Variants in MBD5 observed in about 807,000 individuals in gnomAD.
The protein encoded by MBD5 is methyl-CpG binding domain protein 5.
A neutral mutation model predicts 117.3 loss-of-function variants in MBD5; 13 were observed. That is an observed-to-expected ratio of 0.11 (90% CI 0.07 to 0.18). The LOEUF (loss-of-function observed/expected upper bound fraction) is 0.18, where lower values mean the gene tolerates loss of function less well. Among genes scored for constraint, MBD5 ranks in the 10% least tolerant of loss-of-function variants. MBD5 has a pLI of 1.00. For missense variants in MBD5, 1,879 were observed against 2,093.8 expected (o/e 0.90, Z 2.00); for synonymous variants, 727 against 766.4 (o/e 0.95, Z 0.85).
chr2:148,085,235 A>G (rs1162104441), intron 1 of MBD5, among the ~76,000 whole-genome samples: 2 of 152,200 alleles, frequency 1.3e-5, no homozygotes, highest in Non-Finnish European at 2.9e-5. Flanking sequence ...CCACATCACT[A>G]TTATTATTGT....
At chr2:148,021,868 G>C (rs1399730233) in intron 1 of MBD5, 184 bp downstream of exon 1, 1 of 158,222 alleles carries the variant, frequency 6.3e-6, no homozygotes, top group Non-Finnish European at 1.4e-5. Context: ...CCTGTCAGGG[G>C]AGGAAGGGCA....
At chr2:148,080,335 TCTC>T in intron 1 of MBD5, among the ~76,000 whole-genome samples, 1 of 152,318 alleles carries the variant, frequency 6.6e-6, no homozygotes, top group East Asian at 1.9e-4. Context: ...TTCAGACACA[TCTC>T]CTATAGATAG....
intron 1 of MBD5, among the ~76,000 whole-genome samples, chr2:148,147,663 T>G (rs1697502934): frequency 6.6e-6 from 1 of 152,134 alleles, no homozygotes; most frequent in Non-Finnish European, 1.5e-5. Context: ...TATTTTTCCT[T>G]AAAACCTGTA....
chr2:148,069,555 G>A lies in MBD5; in HGVS notation c.-925+47871G>A, dbSNP rs570879867. ...TTATAGTATGCTACTGTATTTAGAAGCTATGTCACAATGCTGGGTAATAAG... is the reference window on the plus strand; with the variant it reads ...TTATAGTATGCTACTGTATTTAGAAACTATGTCACAATGCTGGGTAATAAG... On this transcript the variant is annotated intron_variant, in intron 1 of 13. Transcript: ENST00000642680. Among the ~76,000 whole-genome samples, 7 of 152,012 alleles carry A rather than the reference G, an allele frequency of 4.6e-5. No homozygotes were observed. The East Asian group carries it at 1.4e-3, about 29-fold the overall frequency.
rs150800810 is a variant in MBD5, at chr2:148,469,845, A to G, written c.1902A>G (p.Thr634=). The change falls in exon 8 of 14, where the codon ACA becomes ACG. Residue 634 remains threonine, a synonymous_variant. Transcript: ENST00000642680. The part of the protein sequence containing the change: ...FPPTANMLLP[T]GEGQSGRAAL... ...CTACTGCCAACATGCTTCTCCCAAC[A>G]GGTGAAGGGCAAAGTGGTCGAGCAG... The G allele has an allele frequency of 2.5e-6, 4 of 1,613,850 alleles. No individual in the cohort carries two copies. The African/African-American group carries it at 5.3e-5, about 22-fold the overall frequency.
chr2:148,344,857 T>G (rs539762967), intron 4 of MBD5, among the ~76,000 whole-genome samples: 1 of 151,844 alleles, frequency 6.6e-6, no homozygotes, highest in Admixed American at 6.6e-5. Context: ...GAAACATGAC[T>G]TAAGTGATAT....
chr2:148,231,943 G>T (rs1699998049), intron 2 of MBD5, among the ~76,000 whole-genome samples: 1 of 152,198 alleles, frequency 6.6e-6, no homozygotes, highest in African/African-American at 2.4e-5. Context: ...GAGGGTAAAA[G>T]TTGGAGGCGG....
chr2:148,252,433 C>T (rs1311345502), intron 3 of MBD5, among the ~76,000 whole-genome samples: 1 of 152,030 alleles, frequency 6.6e-6, no homozygotes, highest in Non-Finnish European at 1.5e-5. Flanking sequence ...TGCACTCCAG[C>T]CTGGGTAAAA....
chr2:148,487,923 CAG>C (rs770675931), intron 10 of MBD5, among the ~76,000 whole-genome samples: 1 of 152,180 alleles, frequency 6.6e-6, no homozygotes, highest in Admixed American at 6.5e-5. Context: ...AGTGCCCCAG[CAG>C]GGGGTCGGGG....
At chr2:148,217,128 T>C (rs1699576805) in intron 2 of MBD5, among the ~76,000 whole-genome samples, 1 of 152,108 alleles carries the variant, frequency 6.6e-6, no homozygotes, top group South Asian at 2.1e-4. Flanking sequence ...AGAAAAGAAC[T>C]AGGGTGGACA....
chr2:148,348,406 C>T (rs950525344), intron 4 of MBD5, among the ~76,000 whole-genome samples: 1 of 151,992 alleles, frequency 6.6e-6, no homozygotes, highest in African/African-American at 2.4e-5. Context: ...CATTTCAACT[C>T]ACTTTAAATT....
intron 3 of MBD5, among the ~76,000 whole-genome samples, chr2:148,325,189 C>T (rs368822799): frequency 3.9e-5 from 6 of 152,082 alleles, no homozygotes; most frequent in African/African-American, 4.8e-5. Context: ...TGAAGCCCAC[C>T]TGATCATGGT....
intron 4 of MBD5, among the ~76,000 whole-genome samples, chr2:148,402,310 C>T (rs927844347): frequency 6.6e-6 from 1 of 151,942 alleles, no homozygotes; most frequent in Non-Finnish European, 1.5e-5. Flanking sequence ...TTCCTTCATT[C>T]CTCCTACTTT....
intron 4 of MBD5, among the ~76,000 whole-genome samples, chr2:148,399,961 G>T (rs146282089): frequency 0.028 from 4,211 of 152,182 alleles, 84 homozygotes; most frequent in Non-Finnish European, 0.046. Context: ...TACGTTTATT[G>T]ATTTTCGTAT....
chr2:148,116,568 G>C (rs567185640), intron 1 of MBD5, among the ~76,000 whole-genome samples: 2 of 152,200 alleles, frequency 1.3e-5, no homozygotes, highest in Non-Finnish European at 2.9e-5. Flanking sequence ...CAGGGTGGAC[G>C]TGTAGGTTAG....
At chr2:148,204,797 T>G (rs1394349753) in intron 2 of MBD5, among the ~76,000 whole-genome samples, 1 of 152,192 alleles carries the variant, frequency 6.6e-6, no homozygotes, top group Non-Finnish European at 1.5e-5. Context: ...AAATACTTTT[T>G]GAAAACATTC....
Position 148,470,083 on chromosome 2 carries a change from C to G in MBD5, c.2140C>G (p.His714Asp), listed in dbSNP as rs886054909. The change falls in exon 8 of 14, where the codon CAC (histidine) becomes GAC (aspartate). Residue 714 changes from histidine to aspartate, a missense_variant. By Grantham distance (81) the His-to-Asp change is moderately conservative. Transcript: ENST00000642680. ...LLQSMSCQSS[H>D]LSSNSTPGCG... ...ACAGTCTATGAGTTGTCAAAGCTCTCACTTGAGTAGCAATAGTACCCCGGG... is the reference window on the plus strand; with the variant it reads ...ACAGTCTATGAGTTGTCAAAGCTCTGACTTGAGTAGCAATAGTACCCCGGG... 3.7e-6 allele frequency: 6 copies of G among 1,613,776 alleles called. No homozygotes were observed. Among genetic ancestry groups the G allele is most frequent in the Non-Finnish European group, 5.1e-6 (6 of 1,179,902 alleles).
chr2:148,178,685 A>T lies in MBD5; in HGVS notation c.-924-15A>T. The T allele has an allele frequency of 2.5e-6, 1 of 398,192 alleles. No individual in the cohort carries two copies. Among genetic ancestry groups the T allele is most frequent in the Non-Finnish European group, 4.4e-6 (1 of 225,612 alleles). The allele number at this position is 398,192 out of a possible 1,614,324, so 24.7% of individuals were successfully genotyped here. ...AATCTCAAATTCATTATATTTTCTT[A>T]TGCTTCTCTTTTAGATGTACATTGA... On this transcript the variant is annotated splice_polypyrimidine_tract_variant and intron_variant, in intron 1 of 13. Transcript: ENST00000642680.
In MBD5 at chr2:148,303,017, A is replaced by G. The variant is rs532367196; in HGVS notation, c.-679-39197A>G. Among the ~76,000 whole-genome samples the G allele has an allele frequency of 5.3e-5, 8 of 150,568 alleles. No homozygotes were observed. The South Asian group carries it at 1.5e-3, about 27-fold the overall frequency. ...TATTTATTTGAAGAGCTATTCAAAAATAAAATTTGAAGATGTTATTTATAT... is the reference window on the plus strand; with the variant it reads ...TATTTATTTGAAGAGCTATTCAAAAGTAAAATTTGAAGATGTTATTTATAT... On this transcript the variant is annotated intron_variant, in intron 3 of 13. Coordinates refer to ENST00000642680, the MANE Select transcript of MBD5 (RefSeq NM_001378120.1).
Sources: gnomAD v4.1 joint callset for allele counts (sites outside exome capture counted in the v4.1 genomes callset) on GRCh38, gnomAD v4.1.1 for gene constraint, MANE v1.5 for transcripts, NCBI Gene and HGNC (gene_info 2026-07-23, HGNC 2026-07-21) for gene names.